The following CADM2 variants were observed in gnomAD, a reference collection of about 807,000 sequenced individuals.
CADM2 encodes immunoglobulin superfamily member 4D.
In CADM2, 12 loss-of-function variants were observed where a neutral mutation model predicts 49.8. The observed-to-expected ratio is 0.24, with a 90% CI of 0.15 to 0.39. CADM2 has a LOEUF of 0.39. Among genes scored for constraint, CADM2 ranks in the 10% least tolerant of loss-of-function variants. The pLI is 1.00. For missense variants in CADM2, 378 were observed against 492.3 expected, an observed-to-expected ratio of 0.77 and a Z score of 2.20; for synonymous variants, 214 against 175.4, an observed-to-expected ratio of 1.22 and a Z score of -1.74.
intron 1 of CADM2, among the ~76,000 whole-genome samples, chr3:85,517,956 C>A (rs561566221): frequency 2.6e-5 from 4 of 152,172 alleles, no homozygotes; most frequent in African/African-American, 9.6e-5. Context: ...TCAATACTTT[C>A]TTCTTATTTA....
At chr3:85,607,084 A>G (rs1290881899) in intron 1 of CADM2, among the ~76,000 whole-genome samples, 2 of 152,154 alleles carry the variant, frequency 1.3e-5, no homozygotes. Flanking sequence ...TAAAATTTAT[A>G]GAGCTAGATA....
intron 1 of CADM2, among the ~76,000 whole-genome samples, chr3:85,197,368 T>C (rs1283048132): frequency 6.6e-6 from 1 of 151,912 alleles, no homozygotes; most frequent in African/African-American, 2.4e-5. Context: ...TATTAGAAAT[T>C]TTATACACTT....
At chr3:85,652,772 C>CTTTCT (rs2065083763) in intron 1 of CADM2, among the ~76,000 whole-genome samples, 1 of 50,782 alleles carries the variant, frequency 2.0e-5, no homozygotes, top group African/African-American at 7.8e-5. Flanking sequence ...TTTTTCTTTT[C>CTTTCT]TTTTTTTTTT....
intron 1 of CADM2, among the ~76,000 whole-genome samples, chr3:85,462,302 C>T (rs2038285031): frequency 6.6e-6 from 1 of 152,136 alleles, no homozygotes; most frequent in African/African-American, 2.4e-5. Flanking sequence ...CTTTATCCCC[C>T]AGGAATAGAA....
intron 1 of CADM2, among the ~76,000 whole-genome samples, chr3:85,281,880 A>G (rs567591941): frequency 5.9e-5 from 9 of 152,136 alleles, no homozygotes; most frequent in Non-Finnish European, 8.8e-5. Context: ...GGAAAGGCCT[A>G]TTAGGCACAA....
At chr3:85,375,587 C>G (rs2033547815) in intron 1 of CADM2, among the ~76,000 whole-genome samples, 1 of 152,186 alleles carries the variant, frequency 6.6e-6, no homozygotes, top group African/African-American at 2.4e-5. Context: ...GACAAATTCA[C>G]TGTCTTCCCA....
chr3:86,056,306 A>C (rs9828350), intron 8 of CADM2, among the ~76,000 whole-genome samples: 29,852 of 152,140 alleles, frequency 0.2, 3,080 homozygotes, highest in East Asian at 0.27. Context: ...ATAGTCAAGG[A>C]AATACTAGCC....
intron 3 of CADM2, among the ~76,000 whole-genome samples, chr3:85,871,706 GTCATCA>G (rs149315637): frequency 6.6e-6 from 1 of 151,858 alleles, no homozygotes; most frequent in African/African-American, 2.4e-5. Context: ...CTCTATCGTT[GTCATCA>G]TCATCATCAT....
intron 8 of CADM2, among the ~76,000 whole-genome samples, chr3:86,036,818 T>C (rs1384303014): frequency 6.6e-6 from 1 of 152,152 alleles, no homozygotes; most frequent in Non-Finnish European, 1.5e-5. Flanking sequence ...ATAGAACAGA[T>C]GGTGATGGTG....
chr3:85,630,940 C>A (rs993266333), intron 1 of CADM2, among the ~76,000 whole-genome samples: 1 of 151,922 alleles, frequency 6.6e-6, no homozygotes, highest in Non-Finnish European at 1.5e-5. Flanking sequence ...GAAAGAAAAC[C>A]TTCCTACGGC....
intron 1 of CADM2, among the ~76,000 whole-genome samples, chr3:85,686,595 C>T (rs1251035768): frequency 2.0e-5 from 3 of 152,128 alleles, no homozygotes; most frequent in Non-Finnish European, 4.4e-5. Flanking sequence ...TAAATGACTT[C>T]TGTCCAGTTT....
At chr3:86,041,121 A>C (rs1422425349) in intron 8 of CADM2, among the ~76,000 whole-genome samples, 5 of 152,244 alleles carry the variant, frequency 3.3e-5, no homozygotes, top group African/African-American at 1.2e-4. Context: ...CAGCCACTGC[A>C]AAAACATGCC....
intron 1 of CADM2, among the ~76,000 whole-genome samples, chr3:85,514,462 T>A (rs990098332): frequency 5.3e-5 from 8 of 152,104 alleles, no homozygotes; most frequent in African/African-American, 4.8e-5. Flanking sequence ...AGAGAATATC[T>A]TTGAAATGTA....
At chr3:85,184,765 T>C (rs1394628314) in intron 1 of CADM2, among the ~76,000 whole-genome samples, 1 of 152,012 alleles carries the variant, frequency 6.6e-6, no homozygotes, top group Non-Finnish European at 1.5e-5. Context: ...TAGATAGGAG[T>C]GCATTGCTTG....
chr3:85,581,279 A>G (rs182333942), intron 1 of CADM2, among the ~76,000 whole-genome samples: 23 of 152,256 alleles, frequency 1.5e-4, no homozygotes, highest in African/African-American at 5.5e-4. Flanking sequence ...AGGTCTATGC[A>G]TAAATATTTA....
chr3:84,984,974 G>T (rs927169071), intron 1 of CADM2, among the ~76,000 whole-genome samples: 3 of 152,084 alleles, frequency 2.0e-5, no homozygotes, highest in Admixed American at 2.0e-4. Flanking sequence ...ACTTTAATAG[G>T]TAATAAGATT....
rs77302764 is a variant in CADM2, at chr3:85,444,985, A to G, written c.62-281537A>G. 6.5e-3 allele frequency among the ~76,000 whole-genome samples: 997 copies of G among 152,246 alleles called. 11 individuals carry two copies. Among genetic ancestry groups the G allele is most frequent in the African/African-American group, 0.021 (855 of 41,550 alleles). ...GTCTAGAGCATGATAAAGACTGTGT[A>G]TATTATCAGTATTATTAGCCTCAAA... On this transcript the variant is annotated intron_variant, in intron 1 of 9. Transcript: ENST00000383699.
intron 1 of CADM2, among the ~76,000 whole-genome samples, chr3:85,058,011 T>C (rs2036156767): frequency 6.6e-6 from 1 of 152,212 alleles, no homozygotes; most frequent in Non-Finnish European, 1.5e-5. Flanking sequence ...TAAAATACAG[T>C]TGAATTGATT....
At chr3:85,472,446 A>G (rs2038808126) in intron 1 of CADM2, among the ~76,000 whole-genome samples, 2 of 152,012 alleles carry the variant, frequency 1.3e-5, no homozygotes, top group Admixed American at 1.3e-4. Context: ...AGATACATTT[A>G]CATGTAGATA....
Sources: gnomAD v4.1 joint callset for allele counts (sites outside exome capture counted in the v4.1 genomes callset) on GRCh38, gnomAD v4.1.1 for gene constraint, MANE v1.5 for transcripts, NCBI Gene and HGNC (gene_info 2026-07-23, HGNC 2026-07-21) for gene names.